Variants in SLCO1C1 observed in about 807,000 individuals in gnomAD.
The protein encoded by SLCO1C1 is solute carrier organic anion transporter family member 1C1.
Under a neutral mutation model 76.4 loss-of-function variants are expected in SLCO1C1, and 70 were observed. The observed-to-expected ratio is 0.92, with a 90% CI of 0.76 to 1.12. The LOEUF is 1.12. Ranked by LOEUF, SLCO1C1 falls within the 50% of genes most tolerant of loss-of-function variation. The probability of loss-of-function intolerance (pLI) is 0.00; values close to 1 mark genes in which losing one functional copy is unlikely to be tolerated. For missense variants in SLCO1C1, 912 were observed against 823.8 expected (o/e 1.11, Z -1.31); for synonymous variants, 306 against 286.1 (o/e 1.07, Z -0.70).
At chr12:20,749,837 G>A (rs1949213782) in intron 13 of SLCO1C1, among the ~76,000 whole-genome samples, 1 of 152,182 alleles carries the variant, frequency 6.6e-6, no homozygotes, top group Admixed American at 6.5e-5. Context: ...GAGAATTAAT[G>A]CAGTTTAGTT....
intron 9 of SLCO1C1, among the ~76,000 whole-genome samples, chr12:20,725,585 C>T (rs1947939251): frequency 6.8e-6 from 1 of 147,768 alleles, no homozygotes; most frequent in Admixed American, 6.8e-5. Flanking sequence ...GTGCAATGGA[C>T]ATTTGTGTTG....
intron 12 of SLCO1C1, among the ~76,000 whole-genome samples, chr12:20,740,805 A>ATATATT (rs1948779239): frequency 7.8e-6 from 1 of 128,518 alleles, no homozygotes. Context: ...ATATATATAT[A>ATATATT]TATATATATA....
At chr12:20,738,175 G>A (rs1315909337) in intron 11 of SLCO1C1, among the ~76,000 whole-genome samples, 2 of 151,984 alleles carry the variant, frequency 1.3e-5, no homozygotes, top group Admixed American at 6.6e-5. Context: ...TCACATTGAA[G>A]GTTAGGATTT....
chr12:20,706,048 T>A lies in SLCO1C1; in HGVS notation c.371T>A (p.Leu124Gln), dbSNP rs1351672092. 1 of 1,613,046 alleles carries A rather than the reference T, an allele frequency of 6.2e-7. No homozygotes were observed. The highest frequency in any genetic ancestry group is 2.2e-5 in the East Asian group (1 of 44,822). The change falls in exon 4 of 15, where the codon CTG (leucine) becomes CAG (glutamine). Residue 124 changes from leucine to glutamine, a missense_variant. Transcript: ENST00000266509. ...TGTGTAATCATGGGAGTTGGAACAC[T>A]GCTCATTGCAATGCCTCAGTTCTTC... ...AGCVIMGVGT[L>Q]LIAMPQFFME...
At chr12:20,702,121 T>C (rs1329653312) in intron 3 of SLCO1C1, among the ~76,000 whole-genome samples, 1 of 151,940 alleles carries the variant, frequency 6.6e-6, no homozygotes, top group East Asian at 1.9e-4. Context: ...ATTGATAAAC[T>C]AAAAGGCTTT....
intron 13 of SLCO1C1, among the ~76,000 whole-genome samples, chr12:20,746,733 T>C (rs1303152910): frequency 1.3e-5 from 2 of 151,982 alleles, no homozygotes; most frequent in Non-Finnish European, 2.9e-5. Context: ...GAAAAATGGA[T>C]GATAGGGGAA....
rs138943496 is a variant in SLCO1C1, at chr12:20,722,491, C to T, written c.1021+442C>T. On this transcript the variant is annotated intron_variant, in intron 8 of 14. Coordinates refer to ENST00000266509, the MANE Select transcript of SLCO1C1 (RefSeq NM_017435.5). ...CAAAAACCCAGTGTTCTAATGAACC[C>T]CCTTCATGGAAATGAGCAGCCCCTC... Among the ~76,000 whole-genome samples the T allele has an allele frequency of 7.8e-4, 119 of 152,248 alleles. 1 individual carries two copies. Among genetic ancestry groups the T allele is most frequent in the African/African-American group, 2.4e-3 (100 of 41,540 alleles).
chr12:20,731,997 C>T (rs886269985), intron 9 of SLCO1C1, among the ~76,000 whole-genome samples: 2 of 152,132 alleles, frequency 1.3e-5, no homozygotes, highest in African/African-American at 4.8e-5. Flanking sequence ...GAATTACCTG[C>T]AGTTGCACAG....
chr12:20,738,444 G>A (rs915783908), intron 11 of SLCO1C1, among the ~76,000 whole-genome samples: 3 of 151,968 alleles, frequency 2.0e-5, no homozygotes, highest in Non-Finnish European at 4.4e-5. Flanking sequence ...TTATCAACTG[G>A]ATATGAATAC....
chr12:20,715,034 C>A, intron 5 of SLCO1C1, 105 bp from the exon 6 acceptor site: 1 of 1,386,342 alleles, frequency 7.2e-7, no homozygotes, highest in Non-Finnish European at 9.8e-7. Flanking sequence ...TGCACAAAAA[C>A]TCCTGCATTC....
At chr12:20,740,818 T>TATATA (rs1565541864) in intron 12 of SLCO1C1, among the ~76,000 whole-genome samples, 2 of 124,954 alleles carry the variant, frequency 1.6e-5, no homozygotes, top group Non-Finnish European at 3.4e-5. Flanking sequence ...TATATATATA[T>TATATA]GGCTTTATCT....
chr12:20,750,753 G>T lies in SLCO1C1; in HGVS notation c.1877G>T (p.Ser626Ile). ...AAATGGGGATTTAAAAGATGTGGAA[G>T]TAGAGGATCATGCAGATTATATGAT... ...CLKWGFKRCGSRGSCRLYDSN... is the reference protein window; with the variant it reads ...CLKWGFKRCGIRGSCRLYDSN... The change falls in exon 14 of 15, where the codon AGT becomes ATT. Residue 626 changes from serine (S) to isoleucine (I), a missense_variant. Physicochemically the swap from Ser to Ile is moderately radical, Grantham distance 142. Coordinates refer to ENST00000266509, the MANE Select transcript of SLCO1C1 (RefSeq NM_017435.5). The T allele has an allele frequency of 6.2e-7, 1 of 1,614,044 alleles. No homozygotes were observed.
intron 9 of SLCO1C1, among the ~76,000 whole-genome samples, chr12:20,724,654 G>C (rs1482890806): frequency 6.8e-6 from 1 of 147,966 alleles, no homozygotes; most frequent in East Asian, 2.0e-4. Context: ...ACTCTTTTGT[G>C]TCTAGCTTTT....
intron 4 of SLCO1C1, among the ~76,000 whole-genome samples, chr12:20,710,745 T>C (rs543083966): frequency 7.2e-4 from 109 of 152,334 alleles, no homozygotes; most frequent in African/African-American, 2.4e-3. Flanking sequence ...ATCAGCCTTG[T>C]AATTCTACTA....
rs1372267219 is a variant in SLCO1C1, at chr12:20,711,383, C to T, written c.405-3C>T. ...TCATGAAGAAAACATTCCTCTTATG[C>T]AGGTACAAATATGAGAGATATTCTC... is the stretch of plus-strand genomic sequence containing the variant. On this transcript the variant is annotated splice_region_variant and splice_polypyrimidine_tract_variant and intron_variant, in intron 4 of 14. Transcript: ENST00000266509. 6.2e-7 allele frequency: 1 copy of T among 1,610,550 alleles called. No homozygotes were observed. Among genetic ancestry groups the T allele is most frequent in the South Asian group, 1.1e-5 (1 of 90,196 alleles).
chr12:20,743,627 A>G (rs951110385), intron 13 of SLCO1C1, among the ~76,000 whole-genome samples: 4 of 152,094 alleles, frequency 2.6e-5, no homozygotes, highest in African/African-American at 9.7e-5. Flanking sequence ...TTTTTGTTTA[A>G]CAATCTTACC....
At chr12:20,740,396 T>G (rs1006039507) in intron 12 of SLCO1C1, 28 bp downstream of exon 12, 1 of 1,573,064 alleles carries the variant, frequency 6.4e-7, no homozygotes, top group Admixed American at 1.9e-5. Flanking sequence ...CTATTCTAAT[T>G]TTAACACAAG....
intron 7 of SLCO1C1, among the ~76,000 whole-genome samples, chr12:20,720,160 C>T (rs1447646611): frequency 1.3e-5 from 2 of 152,130 alleles, no homozygotes; most frequent in African/African-American, 2.4e-5. Flanking sequence ...GGTTTACTAA[C>T]TATTTGAAGC....
intron 9 of SLCO1C1, among the ~76,000 whole-genome samples, chr12:20,730,401 G>C (rs1367850993): frequency 6.6e-6 from 1 of 152,154 alleles, no homozygotes; most frequent in East Asian, 1.9e-4. Context: ...GAAACAAAGG[G>C]AGAACTAATT....
Sources: gnomAD v4.1 joint callset for allele counts (sites outside exome capture counted in the v4.1 genomes callset) on GRCh38, gnomAD v4.1.1 for gene constraint, MANE v1.5 for transcripts, NCBI Gene and HGNC (gene_info 2026-07-23, HGNC 2026-07-21) for gene names.